The following FARS2 variants were observed in gnomAD, a reference collection of about 807,000 sequenced individuals.
The protein encoded by FARS2 is phenylalanyl-tRNA synthetase 2, mitochondrial.
A neutral mutation model predicts 46.4 loss-of-function variants in FARS2; 40 were observed. That is an observed-to-expected ratio of 0.86 (90% CI 0.67 to 1.12). FARS2 has a LOEUF of 1.12. FARS2 is among the 50% of genes most tolerant of loss of function. The pLI is 0.00. For synonymous variants in FARS2, 234 were observed against 214.9 expected (o/e 1.09, Z -0.78); for missense variants, 513 against 567.9 (o/e 0.90, Z 0.98).
rs1430301598 is a variant in FARS2 at position 5,613,237 on chromosome 6, A to G, written c.1134A>G (p.Glu378=). 1 of 1,613,546 alleles carries G rather than the reference A, an allele frequency of 6.2e-7. No individual in the cohort carries two copies. The highest frequency in any genetic ancestry group is 1.1e-5 in the South Asian group (1 of 91,050). ...SFWLPSENYA[E]NDFYDLVRTI... ...GGTTGCCCTCTGAGAATTACGCAGAAAATGATTTCTATGACTTAGTCCGAA... is the reference window on the plus strand; with the variant it reads ...GGTTGCCCTCTGAGAATTACGCAGAGAATGATTTCTATGACTTAGTCCGAA... The change falls in exon 6 of 7, where the codon GAA becomes GAG. Residue 378 remains glutamate (E), a synonymous_variant. Coordinates refer to ENST00000274680, the MANE Select transcript of FARS2 (RefSeq NM_006567.5).
Position 5,521,639 on chromosome 6 carries a change from A to G in FARS2, c.905-23541A>G, listed in dbSNP as rs367674668. On this transcript the variant is annotated intron_variant, in intron 4 of 6. Coordinates refer to ENST00000274680, the MANE Select transcript of FARS2 (RefSeq NM_006567.5). ...CCAAGACCCAAGACTCTAGCTATGC[A>G]GGAAACTAACTAAAATTTGGATACA... Among the ~76,000 whole-genome samples the G allele has an allele frequency of 1.5e-4, 23 of 152,342 alleles. No individual in the cohort carries two copies. The East Asian group carries it at 2.3e-3, about 15-fold the overall frequency.
intron 4 of FARS2, among the ~76,000 whole-genome samples, chr6:5,474,314 G>A (rs911890645): frequency 6.6e-6 from 1 of 152,242 alleles, no homozygotes; most frequent in African/African-American, 2.4e-5. Flanking sequence ...GGTACTTGAA[G>A]TGGAGATGAA....
chr6:5,252,050 C>T, the FARS2 span, among the ~76,000 whole-genome samples: 1 of 152,166 alleles, frequency 6.6e-6, no homozygotes, highest in Non-Finnish European at 1.5e-5. Context: ...TTGTGTAGTA[C>T]ATAGTAAGCG....
chr6:5,602,986 A>C (rs1446559910), intron 5 of FARS2, among the ~76,000 whole-genome samples: 1 of 152,192 alleles, frequency 6.6e-6, no homozygotes, highest in African/African-American at 2.4e-5. Context: ...TTTATAGATG[A>C]AGAAACTGAG....
chr6:5,353,940 CTT>C (rs200790865), intron 1 of FARS2, among the ~76,000 whole-genome samples: 3 of 136,802 alleles, frequency 2.2e-5, no homozygotes, highest in African/African-American at 2.7e-5. Context: ...CTGTTTGCTG[CTT>C]TTTTTTTTTT....
intron 6 of FARS2, among the ~76,000 whole-genome samples, chr6:5,673,916 C>G (rs530590286): frequency 8.5e-5 from 13 of 152,160 alleles, no homozygotes; most frequent in African/African-American, 3.1e-4. Flanking sequence ...GTGTTCCTCT[C>G]TGGATGGTAG....
In FARS2 at chr6:5,653,202, C is replaced by A. The variant is rs1466608236; in HGVS notation, c.1217+39882C>A. ...AGAACGCTTTTCATTTCTGGCAGAA[C>A]CTTAGACATTAATGAACCTGAATTC... is the stretch of plus-strand genomic sequence containing the variant. On this transcript the variant is annotated intron_variant, in intron 6 of 6. Transcript: ENST00000274680. 2.6e-5 allele frequency among the ~76,000 whole-genome samples: 4 copies of A among 152,054 alleles called. No homozygotes were observed. The East Asian group carries it at 5.8e-4, about 22-fold the overall frequency.
chr6:5,653,627 T>C (rs1777472843), intron 6 of FARS2, among the ~76,000 whole-genome samples: 1 of 152,218 alleles, frequency 6.6e-6, no homozygotes, highest in African/African-American at 2.4e-5. Context: ...GGAAGACATC[T>C]CATTTCAGGG....
At chr6:5,520,924 G>A (rs545406337) in intron 4 of FARS2, among the ~76,000 whole-genome samples, 1 of 152,086 alleles carries the variant, frequency 6.6e-6, no homozygotes, top group Non-Finnish European at 1.5e-5. Flanking sequence ...TGAAATGATG[G>A]ATTTGGATGC....
chr6:5,542,342 A>G (rs1770689406), intron 4 of FARS2, among the ~76,000 whole-genome samples: 1 of 152,142 alleles, frequency 6.6e-6, no homozygotes, highest in African/African-American at 2.4e-5. Flanking sequence ...GTTGATGGAC[A>G]TTTTGGGTGT....
chr6:5,270,824 TC>T (rs776634781), intron 1 of FARS2, among the ~76,000 whole-genome samples: 53 of 152,312 alleles, frequency 3.5e-4, no homozygotes, highest in Middle Eastern at 3.4e-3. Flanking sequence ...TCTTTAGTAC[TC>T]ACCTCTTTCC....
At chr6:5,260,721 T>C (rs553422569), upstream of FARS2, 32 of 1,549,390 alleles carry the variant, frequency 2.1e-5, no homozygotes, top group African/African-American at 1.8e-4. Context: ...TGTGCGCGAC[T>C]GGAGGCTGCC....
intron 4 of FARS2, among the ~76,000 whole-genome samples, chr6:5,438,239 ACCCCCCGC>A (rs138554611): frequency 0.56 from 29,354 of 52,638 alleles, 6,336 homozygotes; most frequent in East Asian, 0.67. Context: ...GCTTCTACCC[ACCCCCCGC>A]CCCCCCCCCC....
At chr6:5,412,003 T>C (rs181411757) in intron 3 of FARS2, among the ~76,000 whole-genome samples, 1 of 152,234 alleles carries the variant, frequency 6.6e-6, no homozygotes, top group African/African-American at 2.4e-5. Context: ...TGCTAAACAT[T>C]GGCATTTCCC....
chr6:5,589,738 A>G (rs774873460), intron 5 of FARS2, among the ~76,000 whole-genome samples: 2 of 152,230 alleles, frequency 1.3e-5, no homozygotes, highest in Non-Finnish European at 1.5e-5. Flanking sequence ...CTTTATGAAA[A>G]TAAGTGCTGA....
At chr6:5,302,634 G>A (rs1296651914) in intron 1 of FARS2, among the ~76,000 whole-genome samples, 2 of 152,200 alleles carry the variant, frequency 1.3e-5, no homozygotes, top group Non-Finnish European at 1.5e-5. Flanking sequence ...CTTGAGCAAA[G>A]TCACATGAAC....
intron 6 of FARS2, among the ~76,000 whole-genome samples, chr6:5,710,932 G>T (rs1759105067): frequency 6.6e-6 from 1 of 152,174 alleles, no homozygotes; most frequent in Non-Finnish European, 1.5e-5. Flanking sequence ...TTACTTCAAT[G>T]GTGGCGAACA....
Position 5,412,159 on chromosome 6 carries a change from C to T in FARS2, c.772+7458C>T, listed in dbSNP as rs559464184. On this transcript the variant is annotated intron_variant, in intron 3 of 6. Coordinates refer to ENST00000274680, the MANE Select transcript of FARS2 (RefSeq NM_006567.5). ...GAAATGCACCTCCCAGCATGCCCTC[C>T]GAGGGTCCAGGCTGATGGGATTGCC... Among the ~76,000 whole-genome samples the T allele has an allele frequency of 5.3e-5, 8 of 152,272 alleles. No homozygotes were observed. In the South Asian group the frequency reaches 1.5e-3, roughly 28 times the overall value.
At chr6:5,701,473 T>C (rs771487855) in intron 6 of FARS2, among the ~76,000 whole-genome samples, 2 of 152,228 alleles carry the variant, frequency 1.3e-5, no homozygotes, top group African/African-American at 2.4e-5. Flanking sequence ...GGCGCCTCTG[T>C]GCTGGGCTAT....
Sources: allele counts gnomAD v4.1 joint callset (sites outside exome capture counted in the v4.1 genomes callset), GRCh38; gene constraint gnomAD v4.1.1; transcripts MANE v1.5; gene names NCBI Gene and HGNC (gene_info 2026-07-23, HGNC 2026-07-21).